NAV2: variants seen among roughly 807,000 people sequenced by gnomAD.
The protein encoded by NAV2 is neuron navigator 2.
In NAV2, 54 loss-of-function variants were observed where a neutral mutation model predicts 223.2. That is an observed-to-expected ratio of 0.24 (90% CI 0.19 to 0.30). The LOEUF (loss-of-function observed/expected upper bound fraction) is 0.30. Ranked by LOEUF, NAV2 falls within the 10% of genes least tolerant of loss-of-function variation. The pLI is 1.00. For missense variants in NAV2, 2,806 were observed against 3,147.5 expected (o/e 0.89, Z 2.60); for synonymous variants, 1,279 against 1,239.3 (o/e 1.03, Z -0.67).
chr11:19,886,383 G>C (rs1476391395), intron 5 of NAV2, among the ~76,000 whole-genome samples: 1 of 152,158 alleles, frequency 6.6e-6, no homozygotes, highest in African/African-American at 2.4e-5. Context: ...TCTCCATAGA[G>C]CAAGTCCACA....
chr11:20,118,724 C>A lies in NAV2; in HGVS notation c.*466C>A. The A allele has an allele frequency of 1.2e-5, 2 of 167,264 alleles. No homozygotes were observed. Among genetic ancestry groups the A allele is most frequent in the Non-Finnish European group, 2.6e-5 (2 of 78,394 alleles). 10.4% of individuals were successfully genotyped at this position (167,264 alleles called of 1,614,324 possible). A position where few individuals can be genotyped will look rare whatever the true frequency, so the allele number is the denominator to read the frequency against. On this transcript the variant is annotated 3_prime_UTR_variant, in exon 38 of 38. Transcript: ENST00000349880. ...TTCCCCTCAGCACAGACCCTCCAGACTGGGTCTCAGAGCCGTGCCACCCAC... is the reference window on the plus strand; with the variant it reads ...TTCCCCTCAGCACAGACCCTCCAGAATGGGTCTCAGAGCCGTGCCACCCAC...
intron 2 of NAV2, among the ~76,000 whole-genome samples, chr11:19,836,551 G>A (rs974241111): frequency 1.1e-4 from 15 of 138,210 alleles, no homozygotes; most frequent in Non-Finnish European, 1.8e-4. Context: ...GCGACAGAGC[G>A]AGACTCTGTC....
In NAV2 at chr11:19,713,115, G is replaced by T. The variant is rs532590609; in HGVS notation, c.-581G>T. On this transcript the variant is annotated 5_prime_UTR_variant, in exon 1 of 38. Coordinates refer to ENST00000349880, the MANE Select transcript of NAV2 (RefSeq NM_145117.5). This position sits in a 1 kb window ranked among gnomAD's most constrained non-coding sequence, Gnocchi z 7.2. ...TCTGCTGCGTCGCGGGTGACACTGCGGTGCTCGCGAGCAGGGTGGCAGCTG... is the reference window on the plus strand; with the variant it reads ...TCTGCTGCGTCGCGGGTGACACTGCTGTGCTCGCGAGCAGGGTGGCAGCTG... Among the ~76,000 whole-genome samples, 11 of 152,098 alleles carry T rather than the reference G, an allele frequency of 7.2e-5. No individual in the cohort carries two copies. The South Asian group carries it at 2.3e-3, about 32-fold the overall frequency.
intron 22 of NAV2, among the ~76,000 whole-genome samples, 162 bp from the exon 23 acceptor site, chr11:20,077,390 T>A (rs924304650): frequency 6.6e-6 from 1 of 151,596 alleles, no homozygotes; most frequent in Non-Finnish European, 1.5e-5. Flanking sequence ...AAGACTGGAG[T>A]GACTGGATCC....
At chr11:20,111,338 C>T (rs1221721173) in intron 36 of NAV2, among the ~76,000 whole-genome samples, 2 of 152,216 alleles carry the variant, frequency 1.3e-5, no homozygotes, top group Non-Finnish European at 2.9e-5. Context: ...ATGTCCTCCC[C>T]TCTGTGTCTG....
At chr11:19,576,083 T>C (rs1444451741) in intron 1 of NAV2, among the ~76,000 whole-genome samples, 1 of 152,196 alleles carries the variant, frequency 6.6e-6, no homozygotes, top group Non-Finnish European at 1.5e-5. Context: ...GCAGAAAAAG[T>C]GCTCAAATCC....
chr11:19,381,594 C>T (rs933483583), intron 1 of NAV2, among the ~76,000 whole-genome samples: 25 of 152,066 alleles, frequency 1.6e-4, no homozygotes, highest in Non-Finnish European at 3.5e-4. Flanking sequence ...GGGAAGAGGG[C>T]ATGGATAGTG....
At chr11:19,443,994 GC>G (rs1851495495) in intron 1 of NAV2, among the ~76,000 whole-genome samples, 1 of 152,088 alleles carries the variant, frequency 6.6e-6, no homozygotes, top group South Asian at 2.1e-4. Context: ...GAGTGCAGTG[GC>G]GCAATCTCGG....
chr11:20,114,804 T>C lies in NAV2; in HGVS notation c.7164+9T>C. On this transcript the variant is annotated intron_variant, in intron 37 of 37. Coordinates refer to ENST00000349880, the MANE Select transcript of NAV2 (RefSeq NM_145117.5). Reference sequence around the variant, plus strand: ...CTGAAGGTGACCCGCTGGTGAGTCCTCAGCCACCAGAGCAGCTCAGCATTC... The same window carrying C: ...CTGAAGGTGACCCGCTGGTGAGTCCCCAGCCACCAGAGCAGCTCAGCATTC... 6.2e-7 allele frequency: 1 copy of C among 1,611,130 alleles called. No individual in the cohort carries two copies. Among genetic ancestry groups the C allele is most frequent in the African/African-American group, 1.3e-5 (1 of 74,982 alleles).
intron 24 of NAV2, among the ~76,000 whole-genome samples, chr11:20,079,777 C>T (rs1439437805): frequency 6.6e-6 from 1 of 152,108 alleles, no homozygotes; most frequent in African/African-American, 2.4e-5. Context: ...CACATTTCCA[C>T]ACCTATCTAA....
chr11:20,068,465 A>G (rs893587039), intron 22 of NAV2, 67 bp downstream of exon 22: 3 of 1,171,690 alleles, frequency 2.6e-6, no homozygotes, highest in Non-Finnish European at 3.9e-6. Flanking sequence ...GAACAGCCTC[A>G]AGTCCTCCTG....
chr11:19,710,193 G>T (rs2049823096), upstream of NAV2, among the ~76,000 whole-genome samples: 2 of 152,166 alleles, frequency 1.3e-5, no homozygotes, highest in South Asian at 4.1e-4. Flanking sequence ...TGATCAGGCG[G>T]CTATTTCCAA....
chr11:19,984,022 C>G (rs1490596308), intron 10 of NAV2, 103 bp from the exon 11 acceptor site: 2 of 1,486,154 alleles, frequency 1.3e-6, no homozygotes, highest in East Asian at 4.6e-5. Context: ...GTTTCTTCCC[C>G]CTTAGAGCAC....
intron 1 of NAV2, among the ~76,000 whole-genome samples, chr11:19,452,149 TGTA>T: frequency 7.1e-6 from 1 of 140,624 alleles, no homozygotes; most frequent in Non-Finnish European, 1.6e-5. Context: ...TGTGTGTGTG[TGTA>T]AAGATTAATA....
chr11:19,517,974 T>C (rs897712974), intron 1 of NAV2, among the ~76,000 whole-genome samples: 5 of 152,264 alleles, frequency 3.3e-5, no homozygotes, highest in African/African-American at 4.8e-5. Context: ...AAAACTGTGC[T>C]TTGTAAAAAT....
intron 22 of NAV2, among the ~76,000 whole-genome samples, chr11:20,074,628 G>A (rs1306511037): frequency 6.6e-6 from 1 of 152,096 alleles, no homozygotes; most frequent in East Asian, 1.9e-4. Flanking sequence ...TGTTTTGGGT[G>A]CATATATATT....
At chr11:19,861,288 G>A (rs1460493110) in intron 3 of NAV2, among the ~76,000 whole-genome samples, 5 of 152,124 alleles carry the variant, frequency 3.3e-5, no homozygotes, top group Admixed American at 3.3e-4. Flanking sequence ...ATCAGGTTAC[G>A]GAGAAGGCCC....
chr11:19,448,141 G>A (rs1251583851), intron 1 of NAV2, among the ~76,000 whole-genome samples: 1 of 151,926 alleles, frequency 6.6e-6, no homozygotes, highest in Non-Finnish European at 1.5e-5. Flanking sequence ...ACCCCACCCT[G>A]TGCCCCTACC....
At chr11:19,872,811 A>G (rs530664465) in intron 4 of NAV2, among the ~76,000 whole-genome samples, 4 of 152,294 alleles carry the variant, frequency 2.6e-5, no homozygotes, top group East Asian at 3.9e-4. Flanking sequence ...AGTGAGCCCC[A>G]TGGAGGTGCT....
Sources: allele counts gnomAD v4.1 joint callset (sites outside exome capture counted in the v4.1 genomes callset), GRCh38; gene constraint gnomAD v4.1.1; non-coding constraint Gnocchi (gnomAD v3.1); transcripts MANE v1.5; gene names NCBI Gene and HGNC (gene_info 2026-07-23, HGNC 2026-07-21).